NMT2: variants seen among roughly 807,000 people sequenced by gnomAD.
NMT2 encodes N-myristoyltransferase 2.
NMT2 carries 35 observed loss-of-function variants against 65.4 expected under a neutral mutation model. That is an observed-to-expected ratio of 0.54 (90% CI 0.41 to 0.71). The LOEUF (loss-of-function observed/expected upper bound fraction) is 0.71, where lower values mean the gene tolerates loss of function less well. NMT2 is among the 30% of genes least tolerant of loss of function. The pLI, the probability that NMT2 is intolerant of heterozygous loss-of-function variation, is 0.00. For synonymous variants in NMT2, 226 were observed against 231.8 expected (o/e 0.98, Z 0.23); for missense variants, 489 against 611.3 (o/e 0.80, Z 2.11).
At chr10:15,119,210 C>G (rs1338306790) in intron 9 of NMT2, 133 bp downstream of exon 9, 3 of 795,442 alleles carry the variant, frequency 3.8e-6, no homozygotes, top group African/African-American at 3.4e-5. Flanking sequence ...CTTATTAACT[C>G]TCTACCCTTT....
At chr10:15,163,556 T>C (rs1251062883) in intron 1 of NMT2, among the ~76,000 whole-genome samples, 1 of 152,202 alleles carries the variant, frequency 6.6e-6, no homozygotes, top group East Asian at 1.9e-4. Context: ...TCCATTTAGA[T>C]TTATACAGTT....
Position 15,168,514 on chromosome 10 carries a change from C to G in NMT2, c.99G>C (p.Glu33Asp). The G allele has an allele frequency of 6.3e-7, 1 of 1,585,944 alleles. No homozygotes were observed. The highest frequency in any genetic ancestry group is 8.6e-7 in the Non-Finnish European group (1 of 1,169,014). ...CGCGCCGCCCCTACCCTTTGGCGTG[C>G]TCCGTCTCCTCCTCATTGTCCCCGT... ...GIDGDNEEET[E>D]HAKGSPGGYL... is the part of the protein sequence containing the mutation. Residue 33 changes from glutamate to aspartate, a missense_variant, in exon 1 of 12, where the codon GAG (glutamate) becomes GAC (aspartate). Physicochemically the swap from Glu to Asp is conservative, Grantham distance 45 (BLOSUM62 2). Coordinates refer to ENST00000378165, the MANE Select transcript of NMT2 (RefSeq NM_004808.3).
intron 1 of NMT2, among the ~76,000 whole-genome samples, chr10:15,163,379 G>A (rs1305494041): frequency 6.6e-6 from 1 of 152,162 alleles, no homozygotes; most frequent in Non-Finnish European, 1.5e-5. Context: ...AAACAAAGAT[G>A]GCAAAGTATG....
chr10:15,125,792 T>C (rs1396429989), intron 8 of NMT2, among the ~76,000 whole-genome samples: 2 of 151,996 alleles, frequency 1.3e-5, no homozygotes, highest in Non-Finnish European at 2.9e-5. Flanking sequence ...TCAGCCTCCC[T>C]AGTAGCTGGG....
intron 9 of NMT2, among the ~76,000 whole-genome samples, chr10:15,118,785 A>G (rs1233664231): frequency 6.6e-6 from 1 of 152,214 alleles, no homozygotes; most frequent in Admixed American, 6.5e-5. Context: ...GCAAGGAAAC[A>G]GGAACTCTCT....
chr10:15,150,300 T>C (rs540159313), intron 1 of NMT2, among the ~76,000 whole-genome samples: 1 of 152,322 alleles, frequency 6.6e-6, no homozygotes, highest in East Asian at 1.9e-4. Context: ...GACCATCAAA[T>C]TCGATAATGG....
intron 3 of NMT2, among the ~76,000 whole-genome samples, chr10:15,134,849 G>A (rs1846419081): frequency 6.6e-6 from 1 of 152,046 alleles, no homozygotes; most frequent in African/African-American, 2.4e-5. Flanking sequence ...AGGTGTGGTG[G>A]TGTGCACTTG....
intron 1 of NMT2, among the ~76,000 whole-genome samples, chr10:15,148,604 G>T (rs546428167): frequency 6.6e-6 from 1 of 152,150 alleles, no homozygotes; most frequent in East Asian, 1.9e-4. Flanking sequence ...GAAATCATTC[G>T]GTACAAGCCA....
chr10:15,137,921 C>A (rs1003349271), intron 2 of NMT2, among the ~76,000 whole-genome samples: 2 of 152,072 alleles, frequency 1.3e-5, no homozygotes, highest in Non-Finnish European at 2.9e-5. Flanking sequence ...GGTTGACCAG[C>A]ACACCTCTAC....
intron 2 of NMT2, chr10:15,140,865 GC>G (rs1846729569): frequency 1.1e-6 from 1 of 912,278 alleles, no homozygotes; most frequent in East Asian, 2.6e-5. Context: ...ACGGGGCCCA[GC>G]TGGACAACTT....
In NMT2 at chr10:15,132,460, T is replaced by C. The variant is rs554904539; in HGVS notation, c.719+357A>G. On this transcript the variant is annotated intron_variant, in intron 6 of 11. Coordinates refer to ENST00000378165, the MANE Select transcript of NMT2 (RefSeq NM_004808.3). ...TATTTTTTTTGAGATGGAGTTTCGC[T>C]CATGTTGCCCAGGATGGAGTGCAGT... 3.7e-4 allele frequency among the ~76,000 whole-genome samples: 56 copies of C among 152,086 alleles called. 1 individual carries two copies. The Middle Eastern group carries it at 0.02, about 55-fold the overall frequency.
At chr10:15,158,900 C>G (rs1833093473) in intron 1 of NMT2, among the ~76,000 whole-genome samples, 1 of 152,146 alleles carries the variant, frequency 6.6e-6, no homozygotes. Context: ...CATGGGGACT[C>G]CACCCTTGTA....
At position 15,153,900 on chromosome 10, in the gene NMT2, G is replaced by A. The variant is rs138341180; in HGVS notation, c.111-12343C>T. Among the ~76,000 whole-genome samples, 627 of 152,008 alleles carry A rather than the reference G, an allele frequency of 4.1e-3. 3 individuals are homozygous for A. Among genetic ancestry groups the A allele is most frequent in the African/African-American group, 0.014 (581 of 41,482 alleles). ...GATCTCCTGATCTCGTGATCCACCC[G>A]CCTCGCCCCCCAAAGTGCTGGGATT... On this transcript the variant is annotated intron_variant, in intron 1 of 11. Coordinates refer to ENST00000378165, the MANE Select transcript of NMT2 (RefSeq NM_004808.3).
At chr10:15,155,555 T>C (rs1368267639) in intron 1 of NMT2, among the ~76,000 whole-genome samples, 1 of 138,776 alleles carries the variant, frequency 7.2e-6, no homozygotes, top group Non-Finnish European at 1.5e-5. Context: ...TTTTTTTTTT[T>C]TTTTTTTTGT....
chr10:15,110,484 A>ATAT (rs780562619), intron 10 of NMT2, among the ~76,000 whole-genome samples: 9 of 151,358 alleles, frequency 5.9e-5, no homozygotes, highest in Non-Finnish European at 1.2e-4. Context: ...TACAAAAATA[A>ATAT]AAAGATTGAC....
intron 1 of NMT2, among the ~76,000 whole-genome samples, chr10:15,162,930 T>G (rs553720157): frequency 3.9e-4 from 59 of 150,388 alleles, no homozygotes; most frequent in East Asian, 3.7e-3. Context: ...AAGAGAGAGA[T>G]ATATATATAT....
At chr10:15,129,664 G>T (rs1054065954) in intron 7 of NMT2, among the ~76,000 whole-genome samples, 6 of 151,972 alleles carry the variant, frequency 3.9e-5, no homozygotes, top group African/African-American at 1.5e-4. Flanking sequence ...TCTTTCACAT[G>T]GAATAGACTT....
intron 3 of NMT2, 89 bp downstream of exon 3, chr10:15,135,184 CT>C: frequency 7.7e-7 from 1 of 1,295,700 alleles, no homozygotes; most frequent in Non-Finnish European, 1.1e-6. Flanking sequence ...AGTTAACACT[CT>C]TTGTGTTTTG....
intron 1 of NMT2, among the ~76,000 whole-genome samples, chr10:15,146,425 A>C (rs1846966930): frequency 6.6e-6 from 1 of 152,160 alleles, no homozygotes; most frequent in Admixed American, 6.5e-5. Flanking sequence ...CTCTCTCTGG[A>C]CTCACAGCTG....
Sources: allele counts gnomAD v4.1 joint callset (sites outside exome capture counted in the v4.1 genomes callset), GRCh38; gene constraint gnomAD v4.1.1; transcripts MANE v1.5; gene names NCBI Gene and HGNC (gene_info 2026-07-23, HGNC 2026-07-21).